Variants in HMCN1 observed in about 807,000 individuals in gnomAD.
HMCN1 encodes the protein hemicentin-1.
HMCN1 carries 321 observed loss-of-function variants against 625.9 expected under a neutral mutation model. That is an observed-to-expected ratio of 0.51 (90% CI 0.47 to 0.56). The LOEUF (loss-of-function observed/expected upper bound fraction) is 0.56, where lower values mean the gene tolerates loss of function less well. Among genes scored for constraint, HMCN1 ranks in the 20% least tolerant of loss-of-function variants. The pLI is 0.00. For missense variants in HMCN1, 6,588 were observed against 6,887.3 expected (o/e 0.96, Z 1.54); for synonymous variants, 2,425 against 2,417.6 (o/e 1.00, Z -0.09).
Position 185,765,426 on chromosome 1 carries a change from G to A in HMCN1, c.268+30379G>A, listed in dbSNP as rs138854120. On this transcript the variant is annotated intron_variant, in intron 1 of 106. Transcript: ENST00000271588. ...GAAATATGATTTATTTAAGATGGGT[G>A]AGTGGTAGTAATAGTAATAGCTGAT... is the stretch of plus-strand genomic sequence containing the variant. Among the ~76,000 whole-genome samples the A allele has an allele frequency of 1.1e-4, 16 of 152,290 alleles. 1 individual carries two copies. The highest frequency in any genetic ancestry group is 9.6e-4 in the East Asian group (5 of 5,192).
intron 1 of HMCN1, among the ~76,000 whole-genome samples, chr1:185,841,147 G>A (rs1661452293): frequency 1.3e-5 from 2 of 152,112 alleles, no homozygotes; most frequent in Admixed American, 1.3e-4. Context: ...TGGTTGAGAT[G>A]CTGGAAATAA....
chr1:186,099,823 A>G (rs940834981), intron 68 of HMCN1, among the ~76,000 whole-genome samples: 13 of 152,172 alleles, frequency 8.5e-5, no homozygotes, highest in Admixed American at 3.9e-4. Context: ...AAGAGTAGCA[A>G]GAGACAAGAC....
chr1:186,046,767 T>C (rs1656601368), intron 41 of HMCN1, among the ~76,000 whole-genome samples: 1 of 152,056 alleles, frequency 6.6e-6, no homozygotes, highest in Non-Finnish European at 1.5e-5. Flanking sequence ...AAGTGAATGT[T>C]TGGAAATAAT....
At chr1:185,905,460 G>A (rs1437435050) in intron 4 of HMCN1, among the ~76,000 whole-genome samples, 1 of 151,758 alleles carries the variant, frequency 6.6e-6, no homozygotes, top group East Asian at 1.9e-4. Flanking sequence ...ATTGCAAACT[G>A]TATTGAACAC....
At chr1:186,189,152 T>TATTC (rs1653552991) in intron 106 of HMCN1, among the ~76,000 whole-genome samples, 1 of 152,216 alleles carries the variant, frequency 6.6e-6, no homozygotes, top group South Asian at 2.1e-4. Context: ...AAGTAGCTTG[T>TATTC]ATTCCTCTTT....
At chr1:186,157,251 G>A (rs1462747230) in intron 97 of HMCN1, among the ~76,000 whole-genome samples, 35 of 152,022 alleles carry the variant, frequency 2.3e-4, no homozygotes, top group Admixed American at 2.2e-3. Context: ...TGCTTTTCAA[G>A]GTTTCTATTA....
intron 19 of HMCN1, among the ~76,000 whole-genome samples, chr1:185,987,074 A>G (rs1270896629): frequency 6.6e-6 from 1 of 151,554 alleles, no homozygotes; most frequent in Non-Finnish European, 1.5e-5. Context: ...AAGGACAGTG[A>G]TTGGAGACAT....
At chr1:185,771,441 A>G (rs980177804) in intron 1 of HMCN1, among the ~76,000 whole-genome samples, 3 of 152,208 alleles carry the variant, frequency 2.0e-5, no homozygotes, top group Non-Finnish European at 4.4e-5. Context: ...CAGACCCTCT[A>G]AAACATGCAG....
intron 40 of HMCN1, among the ~76,000 whole-genome samples, chr1:186,041,528 T>A (rs537274348): frequency 9.8e-5 from 15 of 152,304 alleles, no homozygotes; most frequent in Non-Finnish European, 1.6e-4. Flanking sequence ...GTAATCAGCA[T>A]ATTTGTGATC....
At chr1:186,061,004 C>T (rs2102306469) in intron 46 of HMCN1, among the ~76,000 whole-genome samples, 1 of 152,180 alleles carries the variant, frequency 6.6e-6, no homozygotes, top group African/African-American at 2.4e-5. Context: ...CATTCATGGG[C>T]CCATACAATC....
At chr1:185,761,287 T>G (rs747408365) in intron 1 of HMCN1, among the ~76,000 whole-genome samples, 49 of 152,110 alleles carry the variant, frequency 3.2e-4, no homozygotes, top group Non-Finnish European at 5.6e-4. Flanking sequence ...TGTCTTTTGT[T>G]TTTGGTTGAG....
intron 11 of HMCN1, among the ~76,000 whole-genome samples, chr1:185,955,422 A>G (rs1476230994): frequency 2.6e-5 from 4 of 152,220 alleles, no homozygotes; most frequent in Non-Finnish European, 5.9e-5. Flanking sequence ...TGTGAGTACT[A>G]TGTATCTTCA....
chr1:185,995,746 C>T (rs1196225278), intron 24 of HMCN1, among the ~76,000 whole-genome samples: 1 of 152,100 alleles, frequency 6.6e-6, no homozygotes, highest in Non-Finnish European at 1.5e-5. Context: ...ATTAGACTAT[C>T]AAGCAGGACT....
At position 186,112,817 on chromosome 1, in the gene HMCN1, A is replaced by G; in HGVS notation, c.10995A>G (p.Thr3665=). Residue 3665 remains threonine, a synonymous_variant, in exon 72 of 107, where the codon ACA becomes ACG. Coordinates refer to ENST00000271588, the MANE Select transcript of HMCN1 (RefSeq NM_031935.3). The stretch of plus-strand genomic sequence containing the variant: ...TCTTTACTTGCTGAATCCAGGCAAC[A>G]CCTCGAGTGCGAATCCTATCTGGAG... The part of the protein sequence containing the change: ...WLRNGERLQA[T]PRVRILSGGR... The G allele has an allele frequency of 6.2e-7, 1 of 1,614,172 alleles. No homozygotes were observed. The highest frequency in any genetic ancestry group is 8.5e-7 in the Non-Finnish European group (1 of 1,180,006).
At chr1:185,799,506 G>T (rs971441322) in intron 1 of HMCN1, among the ~76,000 whole-genome samples, 1 of 152,150 alleles carries the variant, frequency 6.6e-6, no homozygotes, top group Non-Finnish European at 1.5e-5. Context: ...CCCTGATTGT[G>T]GGGGGAGTGG....
intron 4 of HMCN1, among the ~76,000 whole-genome samples, chr1:185,886,573 C>T (rs1033544738): frequency 1.3e-5 from 2 of 149,584 alleles, no homozygotes; most frequent in East Asian, 1.9e-4. Flanking sequence ...ATGTTTAATG[C>T]AAAAGAAAAA....
chr1:186,189,744 T>C lies in HMCN1; in HGVS notation c.16774T>C (p.Tyr5592His), dbSNP rs760092150. Residue 5592 changes from tyrosine (Y) to histidine (H), a missense_variant, in exon 107 of 107, where the codon TAT becomes CAT. Tyr to His is a moderately conservative substitution (Grantham distance 83, BLOSUM62 2). This residue lies in a region of HMCN1 where 1,954 missense variants were observed against 2,013.1 expected (regional missense o/e 0.97). Coordinates refer to ENST00000271588, the MANE Select transcript of HMCN1 (RefSeq NM_031935.3). Reference protein sequence around the residue: ...LRDENLKGVVYTTRPLREAET... With the variant: ...LRDENLKGVVHTTRPLREAET... The stretch of plus-strand genomic sequence containing the variant: ...GGATGAAAACCTGAAAGGAGTGGTG[T>C]ATACAACACGACCACTACGAGAAGC... 6.2e-7 allele frequency: 1 copy of C among 1,613,710 alleles called. No homozygotes were observed. Among genetic ancestry groups the C allele is most frequent in the Admixed American group, 1.7e-5 (1 of 59,976 alleles).
At chr1:185,990,464 T>C in intron 22 of HMCN1, 21 bp downstream of exon 22, 1 of 1,609,844 alleles carries the variant, frequency 6.2e-7, no homozygotes, top group Non-Finnish European at 8.5e-7. Flanking sequence ...TGGGATGAAT[T>C]GCAACACATG....
At chr1:186,039,313 T>G (rs892050868) in intron 38 of HMCN1, among the ~76,000 whole-genome samples, 1 of 152,106 alleles carries the variant, frequency 6.6e-6, no homozygotes, top group African/African-American at 2.4e-5. Context: ...TAACGAAATG[T>G]TTTTGAGTGA....
Sources: allele counts gnomAD v4.1 joint callset (sites outside exome capture counted in the v4.1 genomes callset), GRCh38; gene constraint gnomAD v4.1.1; regional missense constraint gnomAD v4.1.1; transcripts MANE v1.5; gene names NCBI Gene and HGNC (gene_info 2026-07-23, HGNC 2026-07-21).